The following STAG1 variants were observed in gnomAD, a reference collection of about 807,000 sequenced individuals.
The protein encoded by STAG1 is cohesin subunit SA-1.
A neutral mutation model predicts 170.9 loss-of-function variants in STAG1; 26 were observed. That is an observed-to-expected ratio of 0.15 (90% confidence interval 0.11 to 0.21). The LOEUF is 0.21. STAG1 is among the 10% of genes least tolerant of loss of function. The pLI is 1.00. For synonymous variants in STAG1, 514 were observed against 497.7 expected, an observed-to-expected ratio of 1.03 and a Z score of -0.44; for missense variants, 964 against 1,509.5, an observed-to-expected ratio of 0.64 and a Z score of 5.99.
chr3:136,563,760 C>T (rs770484160), intron 5 of STAG1, among the ~76,000 whole-genome samples: 9 of 151,940 alleles, frequency 5.9e-5, no homozygotes, highest in Non-Finnish European at 1.3e-4. Flanking sequence ...GTGGCTCATG[C>T]CTGTAATCCC....
chr3:136,469,899 T>C (rs2089577875), intron 12 of STAG1, among the ~76,000 whole-genome samples: 1 of 152,216 alleles, frequency 6.6e-6, no homozygotes. Context: ...ATTCCCTATT[T>C]AATGAATGGT....
chr3:136,485,136 A>G (rs1337946008), intron 9 of STAG1, among the ~76,000 whole-genome samples: 1 of 152,176 alleles, frequency 6.6e-6, no homozygotes, highest in African/African-American at 2.4e-5. Context: ...TCATCAATCT[A>G]GACATTTATA....
chr3:136,715,185 TTAA>T (rs1943505863), intron 1 of STAG1, among the ~76,000 whole-genome samples: 1 of 147,188 alleles, frequency 6.8e-6, no homozygotes, highest in South Asian at 2.1e-4. Flanking sequence ...TTTTTTTTTT[TTAA>T]TTTAAATAGA....
chr3:136,475,143 T>C (rs1164746326), intron 10 of STAG1, among the ~76,000 whole-genome samples: 1 of 106,366 alleles, frequency 9.4e-6, no homozygotes, highest in Non-Finnish European at 2.2e-5. Flanking sequence ...GGTTCCTTTT[T>C]TTTTTTTTTT....
chr3:136,568,691 G>T, intron 5 of STAG1, 74 bp downstream of exon 5: 1 of 941,458 alleles, frequency 1.1e-6, no homozygotes, highest in Non-Finnish European at 1.7e-6. Flanking sequence ...TATACGACTA[G>T]TGGCAGGTGA....
At chr3:136,447,693 G>A (rs147373340) in intron 14 of STAG1, among the ~76,000 whole-genome samples, 2 of 130,876 alleles carry the variant, frequency 1.5e-5, no homozygotes, top group Admixed American at 9.0e-5. Context: ...TGCAAGCTCC[G>A]CCTCCCGGGT....
At chr3:136,682,023 G>A (rs1037346669) in intron 1 of STAG1, among the ~76,000 whole-genome samples, 6 of 152,098 alleles carry the variant, frequency 3.9e-5, no homozygotes, top group Middle Eastern at 6.8e-3. Context: ...GTCCTAGCCA[G>A]AACAACTAGG....
intron 16 of STAG1, among the ~76,000 whole-genome samples, chr3:136,431,322 G>C (rs1050494740): frequency 6.6e-6 from 1 of 151,848 alleles, no homozygotes; most frequent in East Asian, 1.9e-4. Context: ...GCCCAGGCTG[G>C]AGTGCAGTGG....
chr3:136,464,686 T>A (rs1318276226), intron 13 of STAG1, among the ~76,000 whole-genome samples, 195 bp downstream of exon 13: 1 of 152,186 alleles, frequency 6.6e-6, no homozygotes, highest in East Asian at 1.9e-4. Flanking sequence ...AAAAGGAGTA[T>A]GTCACAAGGT....
chr3:136,548,751 C>G (rs563300790), intron 5 of STAG1, among the ~76,000 whole-genome samples: 2 of 152,206 alleles, frequency 1.3e-5, no homozygotes, highest in South Asian at 4.1e-4. Context: ...TGGTTTGGGT[C>G]TGTGTCCCCA....
At chr3:136,446,003 C>A (rs1356846702) in intron 14 of STAG1, among the ~76,000 whole-genome samples, 1 of 152,160 alleles carries the variant, frequency 6.6e-6, no homozygotes, top group Non-Finnish European at 1.5e-5. Flanking sequence ...ATTACTCATG[C>A]TGAAAATATT....
chr3:136,602,977 T>C (rs1334825208), intron 4 of STAG1, among the ~76,000 whole-genome samples: 1 of 152,180 alleles, frequency 6.6e-6, no homozygotes, highest in East Asian at 1.9e-4. Flanking sequence ...TGTTTCACCA[T>C]TTAGCATCAT....
At chr3:136,682,911 C>T (rs1282136418) in intron 1 of STAG1, among the ~76,000 whole-genome samples, 1 of 152,132 alleles carries the variant, frequency 6.6e-6, no homozygotes, top group African/African-American at 2.4e-5. Context: ...GCAGTATATA[C>T]ATAACATGGA....
chr3:136,472,434 C>A lies in STAG1; in HGVS notation c.1184G>T (p.Arg395Leu). 6.2e-7 allele frequency: 1 copy of A among 1,612,174 alleles called. No individual in the cohort carries two copies. The highest frequency in any genetic ancestry group is 8.5e-7 in the Non-Finnish European group (1 of 1,178,932). ...TTACTGAAGTATCAGAGTAACCAATCGAATAGCTTCCACAGCAACATCATA... is the reference window on the plus strand; with the variant it reads ...TTACTGAAGTATCAGAGTAACCAATAGAATAGCTTCCACAGCAACATCATA... ...KEYDVAVEAI[R>L]LVTLILHGSE... Residue 395 changes from arginine to leucine, a missense_variant, in exon 12 of 34, where the codon CGA (arginine) becomes CTA (leucine). Physicochemically the swap from Arg to Leu is moderately radical, Grantham distance 102 (BLOSUM62 -2). Transcript: ENST00000383202.
chr3:136,537,886 G>A (rs1022589680), intron 6 of STAG1, among the ~76,000 whole-genome samples: 2 of 126,598 alleles, frequency 1.6e-5, no homozygotes, highest in Admixed American at 1.8e-4. Context: ...CTGAGCATGT[G>A]ATCATAAGGA....
At chr3:136,367,555 A>G (rs1438995696) in intron 24 of STAG1, among the ~76,000 whole-genome samples, 4 of 152,100 alleles carry the variant, frequency 2.6e-5, no homozygotes. Flanking sequence ...AAATTATCTG[A>G]TTACCTTTAA....
intron 3 of STAG1, among the ~76,000 whole-genome samples, chr3:136,619,076 G>A (rs1242842701): frequency 6.6e-6 from 1 of 152,000 alleles, no homozygotes; most frequent in Non-Finnish European, 1.5e-5. Context: ...GTGGGAATAT[G>A]ATAAAGCAAA....
intron 2 of STAG1, among the ~76,000 whole-genome samples, chr3:136,628,132 TAGTG>T (rs1226403202): frequency 6.6e-6 from 1 of 152,142 alleles, no homozygotes; most frequent in Admixed American, 6.5e-5. Flanking sequence ...GTTGTTGTGA[TAGTG>T]AGTTCTCACG....
intron 4 of STAG1, among the ~76,000 whole-genome samples, chr3:136,583,823 AAAAC>A (rs1465650853): frequency 1.3e-5 from 2 of 152,142 alleles, no homozygotes; most frequent in Admixed American, 1.3e-4. Flanking sequence ...CAAAAACAAA[AAAAC>A]AAACCTAATT....
Sources: allele counts gnomAD v4.1 joint callset (sites outside exome capture counted in the v4.1 genomes callset), GRCh38; gene constraint gnomAD v4.1.1; transcripts MANE v1.5; gene names NCBI Gene and HGNC (gene_info 2026-07-23, HGNC 2026-07-21).